EML6: variants seen among roughly 807,000 people sequenced by gnomAD.
EML6 encodes the protein EMAP like 6.
Under a neutral mutation model 240.1 loss-of-function variants are expected in EML6, and 154 were observed. The ratio of observed to expected loss-of-function variants is 0.64; its 90% CI spans 0.56 to 0.73. The LOEUF (loss-of-function observed/expected upper bound fraction) is 0.73. Among genes scored for constraint, EML6 ranks in the 30% least tolerant of loss-of-function variants. EML6 has a pLI of 0.00. For synonymous variants in EML6, 1,148 were observed against 899.0 expected (o/e 1.28, Z -4.95); for missense variants, 2,964 against 2,474.6 (o/e 1.20, Z -4.20).
intron 2 of EML6, among the ~76,000 whole-genome samples, chr2:54,769,174 G>T (rs982280176): frequency 6.6e-6 from 1 of 152,216 alleles, no homozygotes; most frequent in African/African-American, 2.4e-5. Context: ...TCTGGCTGCA[G>T]TGTGCACCTG....
At position 54,961,270 on chromosome 2, in the gene EML6, T is replaced by C. The variant is rs1346260326; in HGVS notation, c.4968+936T>C. ...CATGATCTCAACTCACTGCAACCTA[T>C]ACCTCTTGGGTTCGAGCGATTCTCC... On this transcript the variant is annotated intron_variant, in intron 35 of 41. Transcript: ENST00000356458. Among the ~76,000 whole-genome samples the C allele has an allele frequency of 6.8e-5, 10 of 146,298 alleles. 1 individual carries two copies. The Admixed American group carries it at 7.0e-4, about 10-fold the overall frequency.
intron 17 of EML6, chr2:54,881,101 CA>C (rs1671785197): frequency 6.6e-6 from 1 of 152,046 alleles, no homozygotes; most frequent in Non-Finnish European, 1.5e-5. Context: ...GACACATTCC[CA>C]AAACAGGATA....
intron 8 of EML6, among the ~76,000 whole-genome samples, chr2:54,845,797 G>T (rs764878219): frequency 6.6e-6 from 1 of 152,152 alleles, no homozygotes; most frequent in Non-Finnish European, 1.5e-5. Flanking sequence ...GAAGGGATGT[G>T]CCCCATCCCT....
intron 25 of EML6, among the ~76,000 whole-genome samples, chr2:54,913,714 A>T (rs1673761634): frequency 6.6e-6 from 1 of 152,202 alleles, no homozygotes; most frequent in South Asian, 2.1e-4. Flanking sequence ...TTGAGGACTT[A>T]GTCATAAATT....
Position 54,725,293 on chromosome 2 carries a change from G to T in EML6, c.197+35G>T, listed in dbSNP as rs1682861182. 3.6e-6 allele frequency: 5 copies of T among 1,377,276 alleles called. No homozygotes were observed. The highest frequency in any genetic ancestry group is 4.8e-6 in the Non-Finnish European group (5 of 1,048,686). 85.3% of individuals were successfully genotyped at this position (1,377,276 alleles called of 1,614,324 possible). A position where few individuals can be genotyped will look rare whatever the true frequency, so the allele number is the denominator to read the frequency against. On this transcript the variant is annotated intron_variant, in intron 2 of 41. Transcript: ENST00000356458. The surrounding 1 kb of genome is among the most constrained non-coding windows in gnomAD (Gnocchi z 4.3). Reference sequence around the variant, plus strand: ...TGGCCAGGGGCGGCGGGGAGGGGTTGCGTGTGGAGGCTGGGAAGGTGGGAA... The same window carrying T: ...TGGCCAGGGGCGGCGGGGAGGGGTTTCGTGTGGAGGCTGGGAAGGTGGGAA...
chr2:54,823,862 CTCTCTCTCTCTCTCTTTCTG>C lies in EML6; in HGVS notation c.525+3416_525+3435del, dbSNP rs1244128137. Among the ~76,000 whole-genome samples, 62 of 147,656 alleles carry C rather than the reference CTCTCTCTCTCTCTCTTTCTG, an allele frequency of 4.2e-4. 1 individual carries two copies. Among genetic ancestry groups the C allele is most frequent in the African/African-American group, 1.6e-3 (61 of 38,658 alleles). On this transcript the variant is annotated intron_variant, in intron 5 of 41. Transcript: ENST00000356458. ...ATTCATTCATTCATTCTCTCTCTCT[CTCTCTCTCTCTCTCTTTCTG>C]TCTCTCTCTCTCTCTCTCAGAGAGA... is the stretch of plus-strand genomic sequence containing the variant.
chr2:54,931,720 G>A (rs1394709743), intron 28 of EML6, among the ~76,000 whole-genome samples: 13 of 152,174 alleles, frequency 8.5e-5, no homozygotes, highest in Admixed American at 7.8e-4. Context: ...AATGGGAGAC[G>A]AGTACTTGAG....
intron 12 of EML6, among the ~76,000 whole-genome samples, 191 bp from the exon 13 acceptor site, chr2:54,863,592 G>C (rs1026975403): frequency 6.6e-6 from 1 of 152,142 alleles, no homozygotes; most frequent in African/African-American, 2.4e-5. Context: ...TAATGTTCCT[G>C]AAAGGAGTGA....
chr2:54,865,118 A>G (rs1055543235), intron 13 of EML6, among the ~76,000 whole-genome samples: 7 of 152,234 alleles, frequency 4.6e-5, no homozygotes, highest in African/African-American at 1.7e-4. Flanking sequence ...AGACAATAAA[A>G]TTTAAACACA....
At chr2:54,749,487 A>G (rs1470191956) in intron 2 of EML6, among the ~76,000 whole-genome samples, 1 of 152,152 alleles carries the variant, frequency 6.6e-6, no homozygotes, top group East Asian at 1.9e-4. Flanking sequence ...AATATATATT[A>G]TCGATGCAGA....
intron 26 of EML6, among the ~76,000 whole-genome samples, chr2:54,919,253 C>CCG (rs1250209263): frequency 6.9e-6 from 1 of 145,842 alleles, no homozygotes; most frequent in Non-Finnish European, 1.5e-5. Context: ...CCCCCCCCCC[C>CCG]CAATCCTTTT....
intron 2 of EML6, among the ~76,000 whole-genome samples, chr2:54,750,049 G>A (rs1488901947): frequency 6.6e-6 from 1 of 152,152 alleles, no homozygotes; most frequent in South Asian, 2.1e-4. Context: ...AACAATTCCT[G>A]TCACCTGTTT....
At chr2:54,787,194 C>T (rs1028032667) in intron 2 of EML6, among the ~76,000 whole-genome samples, 6 of 151,886 alleles carry the variant, frequency 4.0e-5, no homozygotes, top group African/African-American at 1.2e-4. Flanking sequence ...TGGTAGTTCT[C>T]GAAGTGACCA....
intron 2 of EML6, among the ~76,000 whole-genome samples, chr2:54,807,606 G>C (rs1428829087): frequency 6.6e-6 from 1 of 152,168 alleles, no homozygotes; most frequent in Admixed American, 6.5e-5. Context: ...AAGAGGTGTG[G>C]AGTAACACAC....
intron 16 of EML6, among the ~76,000 whole-genome samples, chr2:54,876,419 T>G (rs966330424): frequency 1.3e-5 from 2 of 152,156 alleles, no homozygotes; most frequent in African/African-American, 4.8e-5. Flanking sequence ...GAATACCTTT[T>G]TTTGGTTTAG....
intron 2 of EML6, among the ~76,000 whole-genome samples, chr2:54,765,483 T>C (rs1197871536): frequency 6.6e-6 from 1 of 152,192 alleles, no homozygotes; most frequent in Non-Finnish European, 1.5e-5. Flanking sequence ...TTTTTGGAGA[T>C]GGAGTCTCGC....
At chr2:54,866,610 T>G (rs1670983061) in intron 13 of EML6, among the ~76,000 whole-genome samples, 156 bp from the exon 14 acceptor site, 1 of 152,242 alleles carries the variant, frequency 6.6e-6, no homozygotes, top group African/African-American at 2.4e-5. Context: ...CATATTAGTT[T>G]TATTCATTAG....
chr2:54,919,967 G>T (rs1251795760), intron 26 of EML6, among the ~76,000 whole-genome samples: 1 of 152,104 alleles, frequency 6.6e-6, no homozygotes, highest in African/African-American at 2.4e-5. Flanking sequence ...AGATTTTATT[G>T]TGAAGATTTT....
intron 2 of EML6, among the ~76,000 whole-genome samples, chr2:54,767,374 AAAAT>A (rs1245606723): frequency 3.9e-5 from 6 of 152,174 alleles, no homozygotes; most frequent in African/African-American, 1.4e-4. Flanking sequence ...CTACTAGATA[AAAAT>A]AAATAACATG....
Sources: gnomAD v4.1 joint callset for allele counts (sites outside exome capture counted in the v4.1 genomes callset) on GRCh38, gnomAD v4.1.1 for gene constraint, Gnocchi (gnomAD v3.1) non-coding constraint, MANE v1.5 for transcripts, NCBI Gene and HGNC (gene_info 2026-07-23, HGNC 2026-07-21) for gene names.